Variants in P2RY12 observed in about 807,000 individuals in gnomAD.
The protein encoded by P2RY12 is purinergic receptor P2Y12.
Under a neutral mutation model 4.5 loss-of-function variants are expected in P2RY12, and 3 were observed. That is an observed-to-expected ratio of 0.67 (90% CI 0.31 to 1.74). P2RY12 has a LOEUF of 1.74. Among genes scored for constraint, P2RY12 ranks in the 40% most tolerant of loss-of-function variants. The probability of loss-of-function intolerance (pLI) is 0.09; values close to 1 mark genes in which losing one functional copy is unlikely to be tolerated. For synonymous variants in P2RY12, 148 were observed against 154.1 expected (o/e 0.96, Z 0.29); for missense variants, 356 against 407.8 (o/e 0.87, Z 1.09).
In P2RY12 at chr3:151,384,722, G is replaced by A. The variant is rs1408043912; in HGVS notation, c.-210C>T. 1 of 270,542 alleles carries A rather than the reference G, an allele frequency of 3.7e-6. No individual in the cohort carries two copies. The highest frequency in any genetic ancestry group is 5.6e-5 in the Admixed American group (1 of 17,920). 16.8% of individuals were successfully genotyped at this position (270,542 alleles called of 1,614,324 possible). On this transcript the variant is annotated 5_prime_UTR_variant, in exon 1 of 3. Coordinates refer to ENST00000302632, the MANE Select transcript of P2RY12 (RefSeq NM_022788.5). ...AATCTGACCCTGGACATGAGAAAGT[G>A]TTCTGTTCTGCAGCTCCTGTCTTCT...
At chr3:151,351,362 A>G (rs142462591) in intron 1 of P2RY12, among the ~76,000 whole-genome samples, 402 of 152,260 alleles carry the variant, frequency 2.6e-3, no homozygotes, top group African/African-American at 9.1e-3. Context: ...ACACAGTGGG[A>G]AAGTTATCCT....
intron 1 of P2RY12, chr3:151,376,283 C>G (rs964168387): frequency 2.1e-5 from 25 of 1,203,616 alleles, no homozygotes; most frequent in African/African-American, 3.1e-5. Context: ...GAGTTACTTC[C>G]TCTCTTTTTT....
At chr3:151,366,970 G>A (rs1404347421) in intron 1 of P2RY12, among the ~76,000 whole-genome samples, 2 of 152,054 alleles carry the variant, frequency 1.3e-5, no homozygotes, top group Non-Finnish European at 2.9e-5. Context: ...GGTGATTTTT[G>A]CAAGTTAACC....
intron 1 of P2RY12, among the ~76,000 whole-genome samples, chr3:151,363,591 A>G (rs1309460266): frequency 6.6e-6 from 1 of 152,200 alleles, no homozygotes; most frequent in Non-Finnish European, 1.5e-5. Flanking sequence ...GCAAACTTGT[A>G]TCCTTCAATG....
intron 1 of P2RY12, chr3:151,357,362 C>T: frequency 6.2e-7 from 1 of 1,608,694 alleles, no homozygotes. Context: ...ATCAGACAGC[C>T]CAGGTGTTTG....
chr3:151,375,404 T>C (rs1756706249), intron 1 of P2RY12, among the ~76,000 whole-genome samples: 1 of 152,142 alleles, frequency 6.6e-6, no homozygotes, highest in African/African-American at 2.4e-5. Context: ...GAAAAGGCAA[T>C]AGGAGTTTAA....
intron 1 of P2RY12, among the ~76,000 whole-genome samples, chr3:151,358,380 C>A (rs925287325): frequency 6.6e-6 from 1 of 151,948 alleles, no homozygotes; most frequent in African/African-American, 2.4e-5. Flanking sequence ...GAGATTCAGG[C>A]CTGTTAAGTG....
chr3:151,341,505 C>T (rs1451388135), intron 1 of P2RY12, among the ~76,000 whole-genome samples: 1 of 151,072 alleles, frequency 6.6e-6, no homozygotes, highest in African/African-American at 2.4e-5. Context: ...AACTTTGAAA[C>T]CAGAAGGGCA....
At position 151,337,783 on chromosome 3, in the gene P2RY12, CAAAG is replaced by C. The variant is rs1553784419; in HGVS notation, c.*30_*33del. On this transcript the variant is annotated 3_prime_UTR_variant, in exon 3 of 3. Coordinates refer to ENST00000302632, the MANE Select transcript of P2RY12 (RefSeq NM_022788.5). ...GCTTTGCTTTAACGAGTTCTGAACA[CAAAG>C]AGATTGAAATATTTCCTTAGTTAAT... The C allele has an allele frequency of 1.2e-6, 2 of 1,605,346 alleles. No individual in the cohort carries two copies. The highest frequency in any genetic ancestry group is 1.7e-6 in the Non-Finnish European group (2 of 1,172,880).
intron 1 of P2RY12, among the ~76,000 whole-genome samples, chr3:151,346,896 G>C (rs1003887090): frequency 1.3e-5 from 2 of 151,976 alleles, no homozygotes; most frequent in African/African-American, 4.8e-5. Flanking sequence ...AAATTCAAAA[G>C]TTCCCTGCTG....
intron 1 of P2RY12, chr3:151,367,831 A>G: frequency 3.9e-6 from 6 of 1,532,042 alleles, no homozygotes; most frequent in South Asian, 3.7e-5. Flanking sequence ...GGTTTCTAAC[A>G]TTACAACACA....
chr3:151,381,763 T>G, intron 1 of P2RY12, among the ~76,000 whole-genome samples: 1 of 152,188 alleles, frequency 6.6e-6, no homozygotes, highest in Non-Finnish European at 1.5e-5. Context: ...GCTTGTTGTT[T>G]AGTTAACTAC....
chr3:151,365,616 C>G (rs1192293057), intron 1 of P2RY12, among the ~76,000 whole-genome samples: 1 of 152,082 alleles, frequency 6.6e-6, no homozygotes, highest in African/African-American at 2.4e-5. Flanking sequence ...TATTCTAATT[C>G]GTGTATGTAC....
chr3:151,345,642 C>T (rs764300972), intron 1 of P2RY12, among the ~76,000 whole-genome samples: 19 of 151,424 alleles, frequency 1.3e-4, no homozygotes, highest in Admixed American at 5.3e-4. Context: ...CTCAGCCTCC[C>T]GAGTAGCTGA....
chr3:151,382,647 G>C (rs752320062), intron 1 of P2RY12: 7 of 1,595,268 alleles, frequency 4.4e-6, no homozygotes, highest in Middle Eastern at 1.7e-4. Context: ...GTTTTTTTCC[G>C]GATCTTAGAT....
chr3:151,365,806 C>A, intron 1 of P2RY12: 1 of 1,520,110 alleles, frequency 6.6e-7, no homozygotes, highest in Non-Finnish European at 8.9e-7. Context: ...GAGTATTTCT[C>A]TTTTGTACAA....
chr3:151,368,777 T>C lies in P2RY12; in HGVS notation c.-180+15915A>G, dbSNP rs556223526. Reference sequence around the variant, plus strand: ...GTCATTTCATTTTTTTTTTTTTTTTTCCAAGACAAAGTCTTACTGTGTCAC... The same window carrying C: ...GTCATTTCATTTTTTTTTTTTTTTTCCCAAGACAAAGTCTTACTGTGTCAC... On this transcript the variant is annotated intron_variant, in intron 1 of 2. Coordinates refer to ENST00000302632, the MANE Select transcript of P2RY12 (RefSeq NM_022788.5). Among the ~76,000 whole-genome samples, 235 of 146,306 alleles carry C rather than the reference T, an allele frequency of 1.6e-3. 2 individuals carry two copies. Among genetic ancestry groups the C allele is most frequent in the African/African-American group, 5.5e-3 (218 of 39,562 alleles).
chr3:151,365,312 C>G (rs1755144966), intron 1 of P2RY12: 1 of 908,482 alleles, frequency 1.1e-6, no homozygotes. Flanking sequence ...ATTTGGCTAT[C>G]ATTTGCTTTT....
At chr3:151,370,041 A>G (rs556264140) in intron 1 of P2RY12, among the ~76,000 whole-genome samples, 1 of 152,308 alleles carries the variant, frequency 6.6e-6, no homozygotes, top group South Asian at 2.1e-4. Flanking sequence ...TGACCCAGGC[A>G]ATAGTTGCAA....
Sources: gnomAD v4.1 joint callset for allele counts (sites outside exome capture counted in the v4.1 genomes callset) on GRCh38, gnomAD v4.1.1 for gene constraint, MANE v1.5 for transcripts, NCBI Gene and HGNC (gene_info 2026-07-23, HGNC 2026-07-21) for gene names.